The following TMEM120B variants were observed in gnomAD, a reference collection of about 807,000 sequenced individuals.
TMEM120B encodes transmembrane protein 120B.
TMEM120B carries 31 observed loss-of-function variants against 55.5 expected under a neutral mutation model. The ratio of observed to expected loss-of-function variants is 0.56; its 90% CI spans 0.42 to 0.75. TMEM120B has a LOEUF of 0.75. TMEM120B is among the 30% of genes least tolerant of loss of function. The probability of loss-of-function intolerance (pLI) is 0.00; values close to 1 mark genes in which losing one functional copy is unlikely to be tolerated. For synonymous variants in TMEM120B, 203 were observed against 176.3 expected, an observed-to-expected ratio of 1.15 and a Z score of -1.20; for missense variants, 399 against 425.5, an observed-to-expected ratio of 0.94 and a Z score of 0.55.
At position 121,779,035 on chromosome 12, in the gene TMEM120B, C is replaced by T. The variant is rs1226586547; in HGVS notation, c.*3313C>T. The T allele has an allele frequency of 6.2e-6, 1 of 162,066 alleles. No homozygotes were observed. Among genetic ancestry groups the T allele is most frequent in the Admixed American group, 5.8e-5 (1 of 17,162 alleles). 10.0% of individuals were successfully genotyped at this position (162,066 alleles called of 1,614,324 possible). On this transcript the variant is annotated 3_prime_UTR_variant, in exon 12 of 12. Coordinates refer to ENST00000449592, the MANE Select transcript of TMEM120B (RefSeq NM_001080825.2). Reference sequence around the variant, plus strand: ...AGCCCCCTCGGTGGCCTCCGTGTTCCTGGGGGAAGGAAGGAAGGAGCTGGA... The same window carrying T: ...AGCCCCCTCGGTGGCCTCCGTGTTCTTGGGGGAAGGAAGGAAGGAGCTGGA...
At chr12:121,752,777 T>C (rs1424566202) in intron 5 of TMEM120B, among the ~76,000 whole-genome samples, 2 of 151,432 alleles carry the variant, frequency 1.3e-5, no homozygotes, top group African/African-American at 4.9e-5. Context: ...CTGTGGTCTA[T>C]CTGTACAGTG....
chr12:121,722,463 A>G (rs1894812620), intron 1 of TMEM120B, among the ~76,000 whole-genome samples: 1 of 152,230 alleles, frequency 6.6e-6, no homozygotes, highest in Admixed American at 6.6e-5. Flanking sequence ...AGCCATGCAT[A>G]GTAGTTTTTA....
Position 121,752,212 on chromosome 12 carries a change from C to T in TMEM120B, c.450C>T (p.Val150=), listed in dbSNP as rs1873353192. The change falls in exon 5 of 12, where the codon GTC becomes GTT. Residue 150 remains valine (V), a synonymous_variant. Transcript: ENST00000449592. ...TGGGTGCCGTGGCATGTCGATTTGT[C>T]CTTCACTACAGGTAGTGGGTGTGGC... ...LLLGAVACRF[V]LHYRVTDEVF... 6.2e-7 allele frequency: 1 copy of T among 1,613,622 alleles called. No homozygotes were observed. Among genetic ancestry groups the T allele is most frequent in the Admixed American group, 1.7e-5 (1 of 59,986 alleles).
intron 9 of TMEM120B, among the ~76,000 whole-genome samples, chr12:121,774,375 G>A (rs1032834061): frequency 6.6e-6 from 1 of 152,168 alleles, no homozygotes; most frequent in Non-Finnish European, 1.5e-5. Context: ...GCAAAACCCT[G>A]TGCAGATTAA....
chr12:121,727,315 T>C (rs1246249333), intron 1 of TMEM120B, among the ~76,000 whole-genome samples: 1 of 150,720 alleles, frequency 6.6e-6, no homozygotes, highest in Non-Finnish European at 1.5e-5. Flanking sequence ...GCAAGAGGAT[T>C]GCTTGAACCC....
chr12:121,780,896 C>T lies in TMEM120B; in HGVS notation c.*5174C>T. ...CCTGCATGTAGGTGATGGGCTCCAG[C>T]TGGGCGGCCCGGAGCTTCCGCAGCT... On this transcript the variant is annotated 3_prime_UTR_variant, in exon 12 of 12. Transcript: ENST00000449592. 6.2e-7 allele frequency: 1 copy of T among 1,613,680 alleles called. No individual in the cohort carries two copies. Among genetic ancestry groups the T allele is most frequent in the Non-Finnish European group, 8.5e-7 (1 of 1,179,920 alleles).
intron 5 of TMEM120B, among the ~76,000 whole-genome samples, chr12:121,760,603 T>C (rs111715216): frequency 0.011 from 1,674 of 152,322 alleles, 39 homozygotes; most frequent in African/African-American, 0.038. Flanking sequence ...TTTTGCCTCC[T>C]AGTGCACGTG....
chr12:121,776,201 C>A lies in TMEM120B; in HGVS notation c.*479C>A. 1 of 295,796 alleles carries A rather than the reference C, an allele frequency of 3.4e-6. No homozygotes were observed. The highest frequency in any genetic ancestry group is 6.2e-6 in the Non-Finnish European group (1 of 160,834). The allele number at this position is 295,796 out of a possible 1,614,324, so 18.3% of individuals were successfully genotyped here. On this transcript the variant is annotated 3_prime_UTR_variant, in exon 12 of 12. Transcript: ENST00000449592. ...CCACTCTGCTTCTGCTGTGAGCCCC[C>A]TCCTCGCCCACCCCGCCACGTGGTG...
intron 1 of TMEM120B, among the ~76,000 whole-genome samples, chr12:121,720,651 G>A (rs925478104): frequency 2.0e-5 from 3 of 152,198 alleles, no homozygotes; most frequent in Admixed American, 6.5e-5. Flanking sequence ...GGTGAAGGCT[G>A]TGGTGAGCAG....
chr12:121,732,564 T>C (rs1895020975), intron 1 of TMEM120B, among the ~76,000 whole-genome samples: 2 of 152,120 alleles, frequency 1.3e-5, no homozygotes, highest in South Asian at 4.1e-4. Flanking sequence ...GAAAAGTACC[T>C]GAAAAAAATT....
intron 1 of TMEM120B, among the ~76,000 whole-genome samples, chr12:121,729,786 G>A (rs1894961595): frequency 6.6e-6 from 1 of 152,178 alleles, no homozygotes; most frequent in Non-Finnish European, 1.5e-5. Flanking sequence ...GCGACAGAGA[G>A]CGATCCCGTC....
At chr12:121,733,713 T>C (rs1895047874) in intron 1 of TMEM120B, among the ~76,000 whole-genome samples, 3 of 151,648 alleles carry the variant, frequency 2.0e-5, no homozygotes, top group Admixed American at 2.0e-4. Flanking sequence ...AATTTTTGTA[T>C]TTTTAGTAGA....
rs565342144 is a variant in TMEM120B at position 121,770,794 on chromosome 12, G to A, written c.552-113G>A. ...GGTTCCAGTCTGTTTCTTACTCCAA[G>A]AAGCCGTCTCTGAGTGCAGAGTAAC... is the stretch of plus-strand genomic sequence containing the variant. On this transcript the variant is annotated intron_variant, in intron 6 of 11. Transcript: ENST00000449592. The A allele has an allele frequency of 2.2e-5, 21 of 948,368 alleles. No homozygotes were observed. In the Admixed American group the frequency reaches 2.6e-4, roughly 12 times the overall value. 58.7% of individuals were successfully genotyped at this position (948,368 alleles called of 1,614,324 possible).
chr12:121,767,286 G>A (rs373573813), intron 6 of TMEM120B, among the ~76,000 whole-genome samples: 1 of 151,932 alleles, frequency 6.6e-6, no homozygotes, highest in Non-Finnish European at 1.5e-5. Context: ...TCAACCTCCC[G>A]AGTAGCTGGG....
In TMEM120B at chr12:121,726,822, T is replaced by A. The variant is rs530776534; in HGVS notation, c.69+13858T>A. Among the ~76,000 whole-genome samples the A allele has an allele frequency of 2.1e-5, 3 of 144,934 alleles. No homozygotes were observed. The Admixed American group carries it at 2.1e-4, about 10-fold the overall frequency. On this transcript the variant is annotated intron_variant, in intron 1 of 11. Transcript: ENST00000449592. ...CTTGGGAGGCTGAGGCAGGGAGAAT[T>A]GCTTGAACCCAGGAGATGGAGGTTG...
In TMEM120B at chr12:121,780,953, G is replaced by T. The variant is rs1387219330; in HGVS notation, c.*5231G>T. 6.2e-7 allele frequency: 1 copy of T among 1,614,032 alleles called. No homozygotes were observed. ...TGTCCTTCCTCAGGTCTGTCTTGCA[G>T]CCGATGAGCACCATGGGGATCCCGC... On this transcript the variant is annotated 3_prime_UTR_variant, in exon 12 of 12. Transcript: ENST00000449592.
chr12:121,761,886 A>G, intron 6 of TMEM120B, 148 bp downstream of exon 6: 1 of 616,906 alleles, frequency 1.6e-6, no homozygotes, highest in Non-Finnish European at 2.9e-6. Context: ...GGAAGGAGGA[A>G]AGCTGATGCT....
At chr12:121,716,855 C>G (rs1375146269) in intron 1 of TMEM120B, among the ~76,000 whole-genome samples, 1 of 152,160 alleles carries the variant, frequency 6.6e-6, no homozygotes, top group Non-Finnish European at 1.5e-5. Context: ...GCCACTGCAC[C>G]TGGCTTTCCT....
At chr12:121,720,527 TG>T (rs1014212991) in intron 1 of TMEM120B, among the ~76,000 whole-genome samples, 7 of 152,030 alleles carry the variant, frequency 4.6e-5, no homozygotes, top group Non-Finnish European at 8.8e-5. Context: ...CTAGGCAACA[TG>T]GCAAAACCCC....
Sources: gnomAD v4.1 joint callset for allele counts (sites outside exome capture counted in the v4.1 genomes callset) on GRCh38, gnomAD v4.1.1 for gene constraint, MANE v1.5 for transcripts, NCBI Gene and HGNC (gene_info 2026-07-23, HGNC 2026-07-21) for gene names.